Variants in PRH1 observed in about 807,000 individuals in gnomAD.
The protein encoded by PRH1 is proline rich protein HaeIII subfamily 1.
In PRH1, 7 loss-of-function variants were observed where a neutral mutation model predicts 7.9. That is an observed-to-expected ratio of 0.89 (90% CI 0.50 to 1.67). The LOEUF is 1.67. Among genes scored for constraint, PRH1 ranks in the 40% most tolerant of loss-of-function variants. The pLI is 0.00. For missense variants in PRH1, 109 were observed against 223.6 expected (o/e 0.49, Z 3.27); for synonymous variants, 45 against 80.8 (o/e 0.56, Z 2.38).
intron 1 of PRH1, among the ~76,000 whole-genome samples, chr12:11,150,986 T>A (rs778195205): frequency 5.3e-5 from 8 of 152,090 alleles, no homozygotes; most frequent in Non-Finnish European, 1.0e-4. Flanking sequence ...TTTTGAGGAG[T>A]CTCACTGAGC....
chr12:10,944,565 G>T (rs934414133), intron 2 of PRH1, among the ~76,000 whole-genome samples: 5 of 152,028 alleles, frequency 3.3e-5, no homozygotes, highest in Non-Finnish European at 7.4e-5. Context: ...TCTCTTACCT[G>T]ATTGCTCTGG....
At chr12:10,968,302 T>A (rs776215049) in intron 2 of PRH1, among the ~76,000 whole-genome samples, 72 of 152,340 alleles carry the variant, frequency 4.7e-4, no homozygotes, top group Non-Finnish European at 8.7e-4. Flanking sequence ...GTATTTAGCT[T>A]GACTTGAACT....
intron 2 of PRH1, among the ~76,000 whole-genome samples, chr12:10,892,916 G>T (rs888308066): frequency 1.3e-5 from 2 of 152,190 alleles, no homozygotes; most frequent in African/African-American, 4.8e-5. Context: ...CTGCTTGTAA[G>T]CAAGTGTGAA....
At chr12:10,988,676 C>A (rs1236013194) in intron 1 of PRH1, among the ~76,000 whole-genome samples, 3 of 152,058 alleles carry the variant, frequency 2.0e-5, no homozygotes, top group Non-Finnish European at 2.9e-5. Flanking sequence ...ACTCATGCAA[C>A]CATCAAGCAG....
chr12:10,975,893 C>T (rs1939071906), intron 1 of PRH1, among the ~76,000 whole-genome samples: 1 of 152,090 alleles, frequency 6.6e-6, no homozygotes, highest in African/African-American at 2.4e-5. Flanking sequence ...ATATATGCAG[C>T]CAACATAGGA....
At chr12:11,009,071 T>G (rs1450655364) in intron 1 of PRH1, among the ~76,000 whole-genome samples, 1 of 151,968 alleles carries the variant, frequency 6.6e-6, no homozygotes, top group Non-Finnish European at 1.5e-5. Flanking sequence ...TCACTTATAA[T>G]TATGTACATA....
upstream of PRH1, among the ~76,000 whole-genome samples, chr12:10,888,773 T>C (rs1949530290): frequency 6.6e-6 from 1 of 152,268 alleles, no homozygotes; most frequent in Non-Finnish European, 1.5e-5. Flanking sequence ...TTACTTTACA[T>C]GTACATAGCT....
chr12:11,154,614 G>A (rs7979501), intron 1 of PRH1, among the ~76,000 whole-genome samples: 149,407 of 152,312 alleles, frequency 0.98, 73,326 homozygotes, highest in Middle Eastern at 1. Flanking sequence ...TTATGCAGAT[G>A]AAGTCACCCA....
chr12:10,919,006 C>T (rs1474764476), intron 2 of PRH1, among the ~76,000 whole-genome samples: 2 of 152,046 alleles, frequency 1.3e-5, no homozygotes, highest in African/African-American at 4.8e-5. Context: ...TTTAAATGTA[C>T]TCTGCCTTTA....
intron 1 of PRH1, among the ~76,000 whole-genome samples, chr12:10,979,133 A>C (rs192333163): frequency 1.3e-5 from 2 of 152,294 alleles, no homozygotes; most frequent in East Asian, 3.9e-4. Flanking sequence ...TGAGGATCAA[A>C]AAGTTACCTA....
At chr12:10,939,354 T>G in intron 2 of PRH1, 1 of 549,078 alleles carries the variant, frequency 1.8e-6, no homozygotes, top group South Asian at 3.2e-5. Context: ...ACCATCCAGA[T>G]TTGCTAATGG....
chr12:10,891,711 G>C (rs1410614905), intron 2 of PRH1: 1 of 152,232 alleles, frequency 6.6e-6, no homozygotes, highest in Non-Finnish European at 1.5e-5. Flanking sequence ...ACTAGCAGTA[G>C]TCAGAGGAAT....
At chr12:11,006,793 C>T (rs1019981901) in intron 1 of PRH1, among the ~76,000 whole-genome samples, 12 of 151,984 alleles carry the variant, frequency 7.9e-5, no homozygotes, top group African/African-American at 2.9e-4. Context: ...AGAAAAGCAC[C>T]AGCATATGCT....
At chr12:11,061,415 A>G in intron 1 of PRH1, 1 of 1,614,034 alleles carries the variant, frequency 6.2e-7, no homozygotes, top group Non-Finnish European at 8.5e-7. Flanking sequence ...ACATGCCACA[A>G]AACTGAAAGA....
At chr12:10,993,641 T>C (rs539796221) in intron 1 of PRH1, among the ~76,000 whole-genome samples, 192 of 152,302 alleles carry the variant, frequency 1.3e-3, no homozygotes, top group African/African-American at 4.5e-3. Context: ...TACTGGGATT[T>C]GGGAGCCAAC....
intron 2 of PRH1, among the ~76,000 whole-genome samples, chr12:10,949,439 T>A (rs1394728415): frequency 6.6e-6 from 1 of 152,226 alleles, no homozygotes; most frequent in East Asian, 1.9e-4. Flanking sequence ...CCTGGAGGCT[T>A]TGTCCAAGAT....
intron 1 of PRH1, among the ~76,000 whole-genome samples, chr12:10,883,353 G>A (rs1327636440): frequency 6.6e-6 from 1 of 152,116 alleles, no homozygotes; most frequent in Non-Finnish European, 1.5e-5. Context: ...CCTTGATGAG[G>A]AATGAAGATA....
At chr12:11,033,644 G>A (rs917504838) in intron 1 of PRH1, among the ~76,000 whole-genome samples, 4 of 152,028 alleles carry the variant, frequency 2.6e-5, no homozygotes, top group African/African-American at 9.7e-5. Flanking sequence ...ATCTGGGGGT[G>A]GCAGATAACA....
In PRH1 at chr12:11,122,029, T is replaced by C. The variant is rs140535494; in HGVS notation, n.40-849A>G. Among the ~76,000 whole-genome samples, 359 of 152,356 alleles carry C rather than the reference T, an allele frequency of 2.4e-3. 2 individuals carry two copies. The highest frequency in any genetic ancestry group is 8.1e-3 in the African/African-American group (337 of 41,584). The stretch of plus-strand genomic sequence containing the variant: ...AATAAACATACATATATATGTGAAA[T>C]GTACTCGGCTTCATAATTTATGGTC... On this transcript the variant is annotated intron_variant and non_coding_transcript_variant, in intron 1 of 1. Coordinates refer to the PRH1 transcript ENST00000541175.
Sources: gnomAD v4.1 joint callset for allele counts (sites outside exome capture counted in the v4.1 genomes callset) on GRCh38, gnomAD v4.1.1 for gene constraint, MANE v1.5 for transcripts, NCBI Gene and HGNC (gene_info 2026-07-23, HGNC 2026-07-21) for gene names.